ADAMTS16: variants seen among roughly 807,000 people sequenced by gnomAD.
The protein encoded by ADAMTS16 is A disintegrin and metalloproteinase with thrombospondin motifs 16.
In ADAMTS16, 94 loss-of-function variants were observed where a neutral mutation model predicts 145.8. The ratio of observed to expected loss-of-function variants is 0.64; its 90% CI spans 0.55 to 0.77. The LOEUF (loss-of-function observed/expected upper bound fraction) is 0.77. Among genes scored for constraint, ADAMTS16 ranks in the 30% least tolerant of loss-of-function variants. The probability of loss-of-function intolerance (pLI) is 0.00; values close to 1 mark genes in which losing one functional copy is unlikely to be tolerated. For synonymous variants in ADAMTS16, 659 were observed against 604.3 expected, an observed-to-expected ratio of 1.09 and a Z score of -1.33; for missense variants, 1,585 against 1,591.5, an observed-to-expected ratio of 1.00 and a Z score of 0.07.
In ADAMTS16 at chr5:5,318,358, G is replaced by T. The variant is rs191448236; in HGVS notation, c.3559+77G>T. 8.3e-3 allele frequency: 10,783 copies of T among 1,306,458 alleles called. 67 individuals are homozygous for T. The highest frequency in any genetic ancestry group is 0.027 in the South Asian group (1,055 of 38,878). 80.9% of individuals were successfully genotyped at this position (1,306,458 alleles called of 1,614,324 possible). On this transcript the variant is annotated intron_variant, in intron 22 of 22. Transcript: ENST00000274181. ...GGTTTCTGGAGCAGTTCCTTGGGGG[G>T]CCTGGAGTTAGGGTCTTGCGTCTGA... is the stretch of plus-strand genomic sequence containing the variant.
chr5:5,201,679 G>A (rs1489640961), intron 9 of ADAMTS16, among the ~76,000 whole-genome samples: 1 of 146,860 alleles, frequency 6.8e-6, no homozygotes, highest in Non-Finnish European at 1.5e-5. Flanking sequence ...AGGTTTGGTG[G>A]AAGAAAAAAA....
intron 22 of ADAMTS16, 73 bp downstream of exon 22, chr5:5,318,354 G>T: frequency 2.3e-6 from 3 of 1,324,566 alleles, no homozygotes; most frequent in East Asian, 2.8e-5. Context: ...CAGTTCCTTG[G>T]GGGGCCTGGA....
At chr5:5,177,363 T>G (rs1735226495) in intron 3 of ADAMTS16, among the ~76,000 whole-genome samples, 1 of 152,102 alleles carries the variant, frequency 6.6e-6, no homozygotes, top group Non-Finnish European at 1.5e-5. Context: ...CTTCTTTGGG[T>G]TTAAGATGAT....
chr5:5,272,073 G>A (rs1738501350), intron 18 of ADAMTS16, among the ~76,000 whole-genome samples: 1 of 152,064 alleles, frequency 6.6e-6, no homozygotes, highest in African/African-American at 2.4e-5. Context: ...ATCTCTTTTC[G>A]ATCTGAGGCC....
At chr5:5,206,192 C>G (rs1033162680) in intron 9 of ADAMTS16, among the ~76,000 whole-genome samples, 1 of 150,984 alleles carries the variant, frequency 6.6e-6, no homozygotes, top group Non-Finnish European at 1.5e-5. Context: ...TTTGGGAGGC[C>G]GAGGCGGGCG....
intron 3 of ADAMTS16, among the ~76,000 whole-genome samples, chr5:5,180,965 G>A (rs545094062): frequency 7.4e-4 from 113 of 152,268 alleles, no homozygotes; most frequent in African/African-American, 2.4e-3. Context: ...TCATCAGTAC[G>A]TAACTCTAAC....
At chr5:5,293,901 G>A (rs1739428726) in intron 18 of ADAMTS16, among the ~76,000 whole-genome samples, 2 of 152,158 alleles carry the variant, frequency 1.3e-5, no homozygotes, top group African/African-American at 4.8e-5. Flanking sequence ...CAGCTGAGGG[G>A]CCCTTTCCTG....
chr5:5,289,568 T>C (rs1239366490), intron 18 of ADAMTS16, among the ~76,000 whole-genome samples: 1 of 152,224 alleles, frequency 6.6e-6, no homozygotes, highest in Non-Finnish European at 1.5e-5. Flanking sequence ...GTGTCTTGGG[T>C]GCTGTAAAAA....
At chr5:5,303,097 C>T (rs72726036) in intron 18 of ADAMTS16, among the ~76,000 whole-genome samples, 171 bp from the exon 19 acceptor site, 1,787 of 152,198 alleles carry the variant, frequency 0.012, 17 homozygotes, top group Non-Finnish European at 0.02. Flanking sequence ...AAACAGCAGG[C>T]GCAGGGAGAC....
intron 3 of ADAMTS16, among the ~76,000 whole-genome samples, chr5:5,166,615 A>T (rs536551476): frequency 1.1e-4 from 16 of 152,168 alleles, no homozygotes; most frequent in African/African-American, 3.9e-4. Context: ...AGAGAAAAAA[A>T]TTATAAGGGA....
At chr5:5,306,823 C>A in intron 21 of ADAMTS16, 95 bp downstream of exon 21, 4 of 1,269,390 alleles carry the variant, frequency 3.2e-6, no homozygotes, top group Non-Finnish European at 4.3e-6. Flanking sequence ...AGGGTGTTTT[C>A]CCCAAAGCTG....
At chr5:5,303,512 C>A (rs751375680) in intron 19 of ADAMTS16, 43 bp downstream of exon 19, 8 of 1,607,726 alleles carry the variant, frequency 5.0e-6, no homozygotes, top group Non-Finnish European at 6.8e-6. Context: ...AGGGCCCCTG[C>A]ATGATCTGCT....
intron 18 of ADAMTS16, among the ~76,000 whole-genome samples, chr5:5,266,779 T>C (rs1011191138): frequency 6.6e-6 from 1 of 152,216 alleles, no homozygotes; most frequent in African/African-American, 2.4e-5. Context: ...CAACAGATTA[T>C]GTGGCGCTCG....
chr5:5,248,249 T>A (rs1579340139), intron 17 of ADAMTS16, among the ~76,000 whole-genome samples: 1 of 152,358 alleles, frequency 6.6e-6, no homozygotes, highest in East Asian at 1.9e-4. Flanking sequence ...AATTTTTTGA[T>A]GAAATCATGA....
chr5:5,315,367 G>A (rs1734010833), intron 21 of ADAMTS16, among the ~76,000 whole-genome samples: 1 of 151,712 alleles, frequency 6.6e-6, no homozygotes, highest in Non-Finnish European at 1.5e-5. Context: ...CCATATCAGT[G>A]ATTAAAATCT....
intron 9 of ADAMTS16, among the ~76,000 whole-genome samples, chr5:5,204,716 G>A (rs1245146392): frequency 1.3e-5 from 2 of 151,928 alleles, no homozygotes; most frequent in Non-Finnish European, 2.9e-5. Flanking sequence ...CCAATTTTTG[G>A]CGATTACAAG....
chr5:5,201,724 G>A (rs1048615262), intron 9 of ADAMTS16, among the ~76,000 whole-genome samples: 5 of 152,092 alleles, frequency 3.3e-5, no homozygotes, highest in Non-Finnish European at 7.4e-5. Flanking sequence ...CCCAGGCTAG[G>A]AAACGAGATT....
At chr5:5,149,278 C>T (rs1045283553) in intron 3 of ADAMTS16, among the ~76,000 whole-genome samples, 1 of 152,116 alleles carries the variant, frequency 6.6e-6, no homozygotes, top group African/African-American at 2.4e-5. Flanking sequence ...TATGTCTCTA[C>T]CAAATTGTCA....
chr5:5,237,235 C>A (rs762447161), intron 14 of ADAMTS16, 136 bp downstream of exon 14: 4 of 860,292 alleles, frequency 4.6e-6, no homozygotes, highest in Non-Finnish European at 6.9e-6. Context: ...GGGGAGAAAG[C>A]CAGAAGAACA....
Sources: gnomAD v4.1 joint callset for allele counts (sites outside exome capture counted in the v4.1 genomes callset) on GRCh38, gnomAD v4.1.1 for gene constraint, MANE v1.5 for transcripts, NCBI Gene and HGNC (gene_info 2026-07-23, HGNC 2026-07-21) for gene names.